ZNF804A: variants seen among roughly 807,000 people sequenced by gnomAD.
The protein encoded by ZNF804A is zinc finger protein 804A.
Under a neutral mutation model 16.5 loss-of-function variants are expected in ZNF804A, and 2 were observed. That is an observed-to-expected ratio of 0.12 (90% CI 0.05 to 0.38). The LOEUF (loss-of-function observed/expected upper bound fraction) is 0.38. Among genes scored for constraint, ZNF804A ranks in the 10% least tolerant of loss-of-function variants. The pLI is 0.99. For missense variants in ZNF804A, 1,473 were observed against 1,390.7 expected, an observed-to-expected ratio of 1.06 and a Z score of -0.94; for synonymous variants, 534 against 489.6, an observed-to-expected ratio of 1.09 and a Z score of -1.20.
chr2:184,606,146 C>A (rs149699052), intron 1 of ZNF804A, among the ~76,000 whole-genome samples: 5 of 152,128 alleles, frequency 3.3e-5, no homozygotes, highest in Admixed American at 3.3e-4. Flanking sequence ...TTTTATGTGT[C>A]ACCTACAATA....
intron 1 of ZNF804A, among the ~76,000 whole-genome samples, chr2:184,865,788 G>C (rs1459867199): frequency 6.6e-6 from 1 of 151,802 alleles, no homozygotes; most frequent in Non-Finnish European, 1.5e-5. Context: ...CGCAGAAAAG[G>C]GTTTTCTTTT....
At chr2:184,604,041 A>G (rs537147790) in intron 1 of ZNF804A, among the ~76,000 whole-genome samples, 1 of 151,516 alleles carries the variant, frequency 6.6e-6, no homozygotes, top group South Asian at 2.1e-4. Flanking sequence ...TTGTTAATTC[A>G]TTAAATATTG....
intron 1 of ZNF804A, among the ~76,000 whole-genome samples, chr2:184,713,059 G>A (rs1025274863): frequency 2.6e-5 from 4 of 151,482 alleles, no homozygotes; most frequent in Non-Finnish European, 5.9e-5. Context: ...TTTTAATTGA[G>A]TCATGTTTCC....
At chr2:184,753,192 C>T (rs562979381) in intron 1 of ZNF804A, among the ~76,000 whole-genome samples, 1 of 151,552 alleles carries the variant, frequency 6.6e-6, no homozygotes, top group Admixed American at 6.6e-5. Flanking sequence ...TGTTTAATAT[C>T]AAATATTCTT....
Position 184,829,899 on chromosome 2 carries a change from C to CAAAAAAAAAAAA in ZNF804A, c.112-36458_112-36447dup, listed in dbSNP as rs1244566222. Among the ~76,000 whole-genome samples, 58 of 38,860 alleles carry CAAAAAAAAAAAA rather than the reference C, an allele frequency of 1.5e-3. 8 individuals are homozygous for CAAAAAAAAAAAA. Among genetic ancestry groups the CAAAAAAAAAAAA allele is most frequent in the Non-Finnish European group, 1.8e-3 (38 of 20,836 alleles). The allele number at this position is 38,860 out of a possible 152,430, so 25.5% of individuals were successfully genotyped here. ...CAACATGTCAAAACCCTGTCTCTACCAAAAAAAAAAAAAAAAAAAAAAACA... is the reference window on the plus strand; with the variant it reads ...CAACATGTCAAAACCCTGTCTCTACCAAAAAAAAAAAAAAAAAAAAAAAAAAAAAAAAAAACA... On this transcript the variant is annotated intron_variant, in intron 1 of 3. Transcript: ENST00000302277.
chr2:184,678,600 T>C (rs1420969989), intron 1 of ZNF804A, among the ~76,000 whole-genome samples: 1 of 152,170 alleles, frequency 6.6e-6, no homozygotes, highest in Non-Finnish European at 1.5e-5. Context: ...TCAACAGAGA[T>C]ACAGGATGAT....
At chr2:184,685,631 G>C (rs1692615611) in intron 1 of ZNF804A, among the ~76,000 whole-genome samples, 1 of 152,016 alleles carries the variant, frequency 6.6e-6, no homozygotes, top group African/African-American at 2.4e-5. Context: ...ATGTCTGTGT[G>C]AGTCTGGAGT....
chr2:184,751,305 A>T (rs755304535), intron 1 of ZNF804A, among the ~76,000 whole-genome samples: 6 of 151,496 alleles, frequency 4.0e-5, no homozygotes, highest in Non-Finnish European at 8.9e-5. Context: ...TGGTGTTGAG[A>T]AAACTGGATA....
chr2:184,784,198 G>A (rs1469300328), intron 1 of ZNF804A, among the ~76,000 whole-genome samples: 4 of 151,788 alleles, frequency 2.6e-5, no homozygotes, highest in African/African-American at 4.8e-5. Context: ...TATCTTTTAA[G>A]GATTGAAGAC....
At chr2:184,719,269 C>A (rs1425890227) in intron 1 of ZNF804A, among the ~76,000 whole-genome samples, 1 of 152,072 alleles carries the variant, frequency 6.6e-6, no homozygotes, top group Non-Finnish European at 1.5e-5. Context: ...GGACCCTGGG[C>A]CCCACCCATG....
At chr2:184,685,378 C>G (rs1466652599) in intron 1 of ZNF804A, among the ~76,000 whole-genome samples, 1 of 152,170 alleles carries the variant, frequency 6.6e-6, no homozygotes, top group Non-Finnish European at 1.5e-5. Context: ...CGCAGCTCTT[C>G]TCTCCTTCTT....
At chr2:184,927,077 T>C (rs946285752) in intron 2 of ZNF804A, among the ~76,000 whole-genome samples, 1 of 152,212 alleles carries the variant, frequency 6.6e-6, no homozygotes, top group African/African-American at 2.4e-5. Flanking sequence ...TATCTGTCCA[T>C]GTCTGGTCAT....
intron 2 of ZNF804A, among the ~76,000 whole-genome samples, chr2:184,894,281 G>A (rs955885730): frequency 6.6e-6 from 1 of 151,938 alleles, no homozygotes; most frequent in Non-Finnish European, 1.5e-5. Context: ...AATCAATACT[G>A]TTTGTTTAAT....
intron 1 of ZNF804A, among the ~76,000 whole-genome samples, chr2:184,864,362 G>A (rs754060450): frequency 6.6e-6 from 1 of 152,086 alleles, no homozygotes; most frequent in Non-Finnish European, 1.5e-5. Flanking sequence ...ATTGATGAAG[G>A]ATCTGCCCTT....
intron 1 of ZNF804A, among the ~76,000 whole-genome samples, chr2:184,751,624 A>T (rs1693879276): frequency 6.6e-6 from 1 of 151,704 alleles, no homozygotes; most frequent in Admixed American, 6.6e-5. Flanking sequence ...TGAAGCAAAG[A>T]TAGACAAGTG....
At chr2:184,690,676 GA>G (rs1218049284) in intron 1 of ZNF804A, among the ~76,000 whole-genome samples, 5 of 152,082 alleles carry the variant, frequency 3.3e-5, no homozygotes, top group African/African-American at 1.2e-4. Flanking sequence ...TCACCTTTAT[GA>G]AACAATTGAA....
intron 1 of ZNF804A, among the ~76,000 whole-genome samples, chr2:184,714,299 C>A (rs1170228505): frequency 1.3e-5 from 2 of 152,052 alleles, no homozygotes; most frequent in Non-Finnish European, 2.9e-5. Flanking sequence ...AAATTACATG[C>A]ACATGCACAC....
intron 1 of ZNF804A, among the ~76,000 whole-genome samples, chr2:184,711,781 T>C (rs1693132037): frequency 6.6e-6 from 1 of 151,870 alleles, no homozygotes; most frequent in East Asian, 1.9e-4. Flanking sequence ...CAAAGATCAG[T>C]TGACCATACA....
chr2:184,919,631 A>G (rs943573135), intron 2 of ZNF804A, among the ~76,000 whole-genome samples: 1 of 152,156 alleles, frequency 6.6e-6, no homozygotes, highest in African/African-American at 2.4e-5. Flanking sequence ...TCTTGTTACC[A>G]ATTTTTAAAT....
Sources: gnomAD v4.1 joint callset for allele counts (sites outside exome capture counted in the v4.1 genomes callset) on GRCh38, gnomAD v4.1.1 for gene constraint, MANE v1.5 for transcripts, NCBI Gene and HGNC (gene_info 2026-07-23, HGNC 2026-07-21) for gene names.